CPNE4: variants seen among roughly 807,000 people sequenced by gnomAD.
CPNE4 encodes copine 4.
CPNE4 carries 25 observed loss-of-function variants against 67.9 expected under a neutral mutation model. The observed-to-expected ratio is 0.37, with a 90% CI of 0.27 to 0.51. CPNE4 has a LOEUF of 0.51. Ranked by LOEUF, CPNE4 falls within the 20% of genes least tolerant of loss-of-function variation. The pLI is 0.93. For missense variants in CPNE4, 464 were observed against 690.8 expected (o/e 0.67, Z 3.68); for synonymous variants, 242 against 244.9 (o/e 0.99, Z 0.11).
chr3:131,865,852 G>A (rs1057282888), intron 2 of CPNE4, among the ~76,000 whole-genome samples: 1 of 152,192 alleles, frequency 6.6e-6, no homozygotes, highest in Non-Finnish European at 1.5e-5. Context: ...TAGAAATCAG[G>A]AGTGGGCAGA....
intron 7 of CPNE4, among the ~76,000 whole-genome samples, chr3:131,645,696 T>C (rs1185290975): frequency 6.6e-6 from 1 of 152,210 alleles, no homozygotes; most frequent in Non-Finnish European, 1.5e-5. Flanking sequence ...CTGACTGCCC[T>C]GATTATGTGG....
intron 2 of CPNE4, among the ~76,000 whole-genome samples, chr3:131,763,556 T>G (rs1023567020): frequency 1.3e-5 from 2 of 152,128 alleles, no homozygotes; most frequent in African/African-American, 2.4e-5. Flanking sequence ...ATGAGGAGAT[T>G]ATGATGGACA....
intron 1 of CPNE4, among the ~76,000 whole-genome samples, chr3:131,991,213 G>A (rs2204781): frequency 0.87 from 117,580 of 134,938 alleles, 54,151 homozygotes; most frequent in Non-Finnish European, 0.9. Context: ...ACAGGCAGAG[G>A]TTGGAAGAGT....
In CPNE4 at chr3:131,655,384, T is replaced by C. The variant is rs139254847; in HGVS notation, c.681+14291A>G. On this transcript the variant is annotated intron_variant, in intron 7 of 15. Coordinates refer to ENST00000429747, the MANE Select transcript of CPNE4 (RefSeq NM_130808.3). ...ACCTTGTCTTAAGGTCTGTTGTGGT[T>C]CGTTACATCATATGCCTTCAAGAGT... Among the ~76,000 whole-genome samples, 103 of 152,316 alleles carry C rather than the reference T, an allele frequency of 6.8e-4. 1 individual carries two copies. In the Middle Eastern group the frequency reaches 0.01, roughly 15 times the overall value.
chr3:131,545,608 A>ATTAT (rs1355886809), intron 14 of CPNE4, among the ~76,000 whole-genome samples: 2 of 152,236 alleles, frequency 1.3e-5, no homozygotes, highest in African/African-American at 4.8e-5. Context: ...AAATTACAGA[A>ATTAT]TTATTAGACA....
chr3:131,966,844 A>G (rs1219377220), intron 1 of CPNE4, among the ~76,000 whole-genome samples: 1 of 152,178 alleles, frequency 6.6e-6, no homozygotes, highest in East Asian at 1.9e-4. Flanking sequence ...TATTCCAAAC[A>G]ATAGAGAAAG....
At chr3:131,808,852 A>G (rs1384254777) in intron 2 of CPNE4, among the ~76,000 whole-genome samples, 1 of 152,200 alleles carries the variant, frequency 6.6e-6, no homozygotes, top group Non-Finnish European at 1.5e-5. Context: ...ATTGTATTGA[A>G]AGGGATTTTT....
At chr3:131,593,416 A>T (rs2030122436) in intron 7 of CPNE4, among the ~76,000 whole-genome samples, 1 of 152,122 alleles carries the variant, frequency 6.6e-6, no homozygotes, top group African/African-American at 2.4e-5. Context: ...ACTGTTCTTG[A>T]TGCTATTGTA....
intron 3 of CPNE4, among the ~76,000 whole-genome samples, chr3:131,702,814 A>G (rs918302980): frequency 6.6e-6 from 1 of 152,226 alleles, no homozygotes; most frequent in African/African-American, 2.4e-5. Context: ...TTTGCAGGGA[A>G]TGAAGAAAAT....
intron 7 of CPNE4, among the ~76,000 whole-genome samples, chr3:131,642,374 T>C (rs2079562071): frequency 6.6e-6 from 1 of 152,222 alleles, no homozygotes; most frequent in Non-Finnish European, 1.5e-5. Flanking sequence ...GTGCTCTTTT[T>C]TTCAGCCAGG....
intron 1 of CPNE4, among the ~76,000 whole-genome samples, chr3:131,996,216 A>G (rs1398932295): frequency 6.6e-6 from 1 of 152,200 alleles, no homozygotes; most frequent in Non-Finnish European, 1.5e-5. Context: ...TGGAGATTTA[A>G]TTATTCATTT....
At chr3:131,927,454 C>T (rs1221878766) in intron 1 of CPNE4, among the ~76,000 whole-genome samples, 4 of 150,896 alleles carry the variant, frequency 2.7e-5, no homozygotes, top group Admixed American at 6.6e-5. Context: ...CTTTCACTCA[C>T]TCATGTGGCT....
intron 1 of CPNE4, among the ~76,000 whole-genome samples, chr3:131,916,028 C>T (rs1222035949): frequency 6.6e-6 from 1 of 152,118 alleles, no homozygotes; most frequent in Non-Finnish European, 1.5e-5. Flanking sequence ...TAAATTTGAA[C>T]TAAATCGCAA....
At chr3:131,566,511 CTACATGCATT>C (rs1283306390) in intron 10 of CPNE4, among the ~76,000 whole-genome samples, 5 of 151,618 alleles carry the variant, frequency 3.3e-5, no homozygotes, top group South Asian at 4.2e-4. Context: ...AGAGAGGAAC[CTACATGCATT>C]TTCTGAACAA....
intron 2 of CPNE4, among the ~76,000 whole-genome samples, chr3:131,792,231 A>C (rs909190362): frequency 1.3e-5 from 2 of 152,108 alleles, no homozygotes; most frequent in Non-Finnish European, 2.9e-5. Context: ...AAAATCAATC[A>C]GCAAAATTAT....
chr3:131,743,962 C>CAAAAAAAA (rs67791015), intron 2 of CPNE4, among the ~76,000 whole-genome samples: 2,937 of 59,082 alleles, frequency 0.05, 465 homozygotes, highest in East Asian at 0.069. Context: ...GACTCCGTCT[C>CAAAAAAAA]AAAAAAAAAA....
chr3:131,817,709 G>C (rs1213747066), intron 2 of CPNE4, among the ~76,000 whole-genome samples: 2 of 152,196 alleles, frequency 1.3e-5, no homozygotes, highest in Non-Finnish European at 2.9e-5. Flanking sequence ...GAAATTCCTG[G>C]AAAGAAGCCA....
chr3:131,853,225 A>C (rs1163733154), intron 2 of CPNE4, among the ~76,000 whole-genome samples: 1 of 151,918 alleles, frequency 6.6e-6, no homozygotes, highest in Non-Finnish European at 1.5e-5. Flanking sequence ...ATAGACAAAT[A>C]GATAAATGGA....
At chr3:131,772,063 T>C (rs2083181373) in intron 2 of CPNE4, among the ~76,000 whole-genome samples, 1 of 152,110 alleles carries the variant, frequency 6.6e-6, no homozygotes, top group African/African-American at 2.4e-5. Context: ...GGAGTGAGGC[T>C]ACAGTGAAGT....
Sources: allele counts gnomAD v4.1 joint callset (sites outside exome capture counted in the v4.1 genomes callset), GRCh38; gene constraint gnomAD v4.1.1; transcripts MANE v1.5; gene names NCBI Gene and HGNC (gene_info 2026-07-23, HGNC 2026-07-21).